The following ZDHHC20 variants were observed in gnomAD, a reference collection of about 807,000 sequenced individuals.
ZDHHC20 encodes the protein zDHHC palmitoyltransferase 20, also known as palmitoyltransferase ZDHHC20.
ZDHHC20 carries 43 observed loss-of-function variants against 57.8 expected under a neutral mutation model. The observed-to-expected ratio is 0.74, with a 90% CI of 0.58 to 0.96. ZDHHC20 has a LOEUF of 0.96. Among genes scored for constraint, ZDHHC20 ranks in the 40% least tolerant of loss-of-function variants. The probability of loss-of-function intolerance (pLI) is 0.00; values close to 1 mark genes in which losing one functional copy is unlikely to be tolerated. For missense variants in ZDHHC20, 391 were observed against 441.1 expected (o/e 0.89, Z 1.02); for synonymous variants, 157 against 153.0 (o/e 1.03, Z -0.19).
chr13:21,435,793 A>C (rs954010661), intron 1 of ZDHHC20, among the ~76,000 whole-genome samples: 4 of 152,232 alleles, frequency 2.6e-5, no homozygotes, highest in African/African-American at 9.6e-5. Context: ...ACAGGGTTTC[A>C]AAATGTCTCC....
chr13:21,402,997 A>G (rs1317162396), intron 4 of ZDHHC20, 131 bp from the exon 5 acceptor site: 10 of 651,758 alleles, frequency 1.5e-5, no homozygotes, highest in Non-Finnish European at 2.1e-5. Context: ...AATACCAACA[A>G]TACCAAAATG....
chr13:21,408,197 A>G (rs769377834), intron 4 of ZDHHC20, among the ~76,000 whole-genome samples: 18 of 152,166 alleles, frequency 1.2e-4, no homozygotes, highest in African/African-American at 4.3e-4. Flanking sequence ...TTGAATCTAT[A>G]AATTACTTTG....
At chr13:21,443,129 A>G (rs1366244003) in intron 1 of ZDHHC20, among the ~76,000 whole-genome samples, 4 of 152,196 alleles carry the variant, frequency 2.6e-5, no homozygotes, top group Non-Finnish European at 5.9e-5. Context: ...TTTCAGCTGT[A>G]TCCTTCCAGC....
chr13:21,440,648 G>A (rs193206316), intron 1 of ZDHHC20, among the ~76,000 whole-genome samples: 184 of 106,928 alleles, frequency 1.7e-3, no homozygotes, highest in East Asian at 5.9e-3. Context: ...GTGTGTGTGT[G>A]TATATATATA....
At chr13:21,407,348 T>C (rs1878589218) in intron 4 of ZDHHC20, among the ~76,000 whole-genome samples, 2 of 152,214 alleles carry the variant, frequency 1.3e-5, no homozygotes, top group African/African-American at 2.4e-5. Flanking sequence ...TGGTATCTCA[T>C]TGTGGTTTTG....
intron 1 of ZDHHC20, among the ~76,000 whole-genome samples, chr13:21,449,960 A>C (rs4770159): frequency 3.3e-5 from 5 of 152,066 alleles, no homozygotes; most frequent in Admixed American, 1.3e-4. Flanking sequence ...CATGTTTTTC[A>C]ATCTATTACA....
At chr13:21,420,930 G>C (rs201800632) in intron 3 of ZDHHC20, 131 bp downstream of exon 3, 4 of 684,096 alleles carry the variant, frequency 5.8e-6, no homozygotes, top group Non-Finnish European at 1.0e-5. Context: ...TCACAGTACA[G>C]AGCAACCAAG....
intron 1 of ZDHHC20, among the ~76,000 whole-genome samples, chr13:21,454,322 T>C (rs1177660801): frequency 6.6e-6 from 1 of 151,752 alleles, no homozygotes; most frequent in African/African-American, 2.4e-5. Context: ...TGAGACTCCA[T>C]CTCAAAACAA....
chr13:21,444,143 G>A (rs927723043), intron 1 of ZDHHC20, among the ~76,000 whole-genome samples: 3 of 152,258 alleles, frequency 2.0e-5, no homozygotes, highest in South Asian at 4.1e-4. Context: ...GCAACAGAGC[G>A]AGACTCTGTC....
intron 10 of ZDHHC20, chr13:21,381,858 G>T: frequency 1.8e-6 from 1 of 570,870 alleles, no homozygotes; most frequent in Non-Finnish European, 3.4e-6. Flanking sequence ...GTAGTACAAG[G>T]ACAGGTGAGG....
chr13:21,400,503 T>C lies in ZDHHC20; in HGVS notation c.474-10A>G, dbSNP rs375318300. The C allele has an allele frequency of 7.8e-6, 12 of 1,531,874 alleles. No individual in the cohort carries two copies. The African/African-American group carries it at 1.1e-4, about 14-fold the overall frequency. The allele number at this position is 1,531,874 out of a possible 1,614,324, so 94.9% of individuals were successfully genotyped here. ...CACACAGTTATTCACCCTGGAAAAA[T>C]AAAGAAAGCCACATTATAAAAGTAA... On this transcript the variant is annotated splice_polypyrimidine_tract_variant and intron_variant, in intron 6 of 12. Coordinates refer to ENST00000400590, the MANE Select transcript of ZDHHC20 (RefSeq NM_001330059.2).
chr13:21,455,577 T>C (rs1884846055), intron 1 of ZDHHC20, among the ~76,000 whole-genome samples: 1 of 152,158 alleles, frequency 6.6e-6, no homozygotes, highest in Non-Finnish European at 1.5e-5. Flanking sequence ...AGATGGCCGT[T>C]TTACATGCAT....
intron 1 of ZDHHC20, among the ~76,000 whole-genome samples, chr13:21,455,348 C>G (rs184820646): frequency 4.3e-4 from 66 of 152,238 alleles, no homozygotes; most frequent in African/African-American, 1.6e-3. Context: ...ACAAGATGAC[C>G]TGAACAACAA....
chr13:21,448,572 C>T (rs1884100047), intron 1 of ZDHHC20, among the ~76,000 whole-genome samples: 1 of 92,110 alleles, frequency 1.1e-5, no homozygotes. Flanking sequence ...GCCCGGCCAG[C>T]CGCCCCGTCC....
intron 3 of ZDHHC20, among the ~76,000 whole-genome samples, chr13:21,414,657 C>T: frequency 6.6e-6 from 1 of 151,630 alleles, no homozygotes; most frequent in East Asian, 1.9e-4. Context: ...AGGCGTGAGC[C>T]ACCGCGCCCG....
intron 1 of ZDHHC20, among the ~76,000 whole-genome samples, chr13:21,455,238 A>G (rs1010862998): frequency 2.0e-5 from 3 of 152,170 alleles, no homozygotes; most frequent in African/African-American, 7.2e-5. Flanking sequence ...CTTTTGAGCA[A>G]TAGTTTCATC....
At chr13:21,453,325 T>C (rs1884630398) in intron 1 of ZDHHC20, among the ~76,000 whole-genome samples, 1 of 152,244 alleles carries the variant, frequency 6.6e-6, no homozygotes, top group African/African-American at 2.4e-5. Context: ...AGGCAAAAAC[T>C]GATAGAACTA....
In ZDHHC20 at chr13:21,397,121, G is replaced by A. The variant is rs377736747; in HGVS notation, c.594+3252C>T. On this transcript the variant is annotated intron_variant, in intron 7 of 12. Coordinates refer to ENST00000400590, the MANE Select transcript of ZDHHC20 (RefSeq NM_001330059.2). ...TAAGAAATCCTCATTTGGGCTGGCC[G>A]CAGTGGCTCATGCCTGTAATGCCAG... Among the ~76,000 whole-genome samples, 36 of 152,112 alleles carry A rather than the reference G, an allele frequency of 2.4e-4. 1 individual carries two copies. The East Asian group carries it at 4.5e-3, about 19-fold the overall frequency.
At chr13:21,402,400 T>TA (rs1566080078) in intron 5 of ZDHHC20, among the ~76,000 whole-genome samples, 3 of 151,970 alleles carry the variant, frequency 2.0e-5, no homozygotes, top group East Asian at 3.9e-4. Flanking sequence ...ACAGATCATC[T>TA]AAAAAAAATA....
Sources: allele counts gnomAD v4.1 joint callset (sites outside exome capture counted in the v4.1 genomes callset), GRCh38; gene constraint gnomAD v4.1.1; transcripts MANE v1.5; gene names NCBI Gene and HGNC (gene_info 2026-07-23, HGNC 2026-07-21).